Variants in GNA14 observed in about 807,000 individuals in gnomAD.
The protein encoded by GNA14 is guanine nucleotide-binding protein subunit alpha-14.
Under a neutral mutation model 42.0 loss-of-function variants are expected in GNA14, and 50 were observed. The ratio of observed to expected loss-of-function variants is 1.19; its 90% CI spans 0.95 to 1.51. The LOEUF (loss-of-function observed/expected upper bound fraction) is 1.51, where lower values mean the gene tolerates loss of function less well. GNA14 is among the 40% of genes most tolerant of loss of function. The pLI, the probability that GNA14 is intolerant of heterozygous loss-of-function variation, is 0.00. For synonymous variants in GNA14, 173 were observed against 163.1 expected (o/e 1.06, Z -0.46); for missense variants, 473 against 446.2 (o/e 1.06, Z -0.54).
At position 77,428,071 on chromosome 9, in the gene GNA14, C is replaced by CTTTT. The variant is rs1182913068; in HGVS notation, c.723+832_723+835dup. ...TTCAGTCCAAGAGATGGCATTTTTT[C>CTTTT]TTTTTTTTTTTCTTTTTTTTTTTTT... On this transcript the variant is annotated intron_variant, in intron 5 of 6. Coordinates refer to ENST00000341700, the MANE Select transcript of GNA14 (RefSeq NM_004297.4). Among the ~76,000 whole-genome samples, 61 of 130,662 alleles carry CTTTT rather than the reference C, an allele frequency of 4.7e-4. 3 individuals are homozygous for CTTTT. In the East Asian group the frequency reaches 6.3e-3, roughly 14 times the overall value. 85.7% of individuals were successfully genotyped at this position (130,662 alleles called of 152,430 possible). A position where few individuals can be genotyped will look rare whatever the true frequency, so the allele number is the denominator to read the frequency against.
intron 2 of GNA14, among the ~76,000 whole-genome samples, chr9:77,490,394 C>A (rs1836747967): frequency 6.6e-6 from 1 of 152,270 alleles, no homozygotes; most frequent in Admixed American, 6.5e-5. Flanking sequence ...CACTCCTCAG[C>A]CCTTGGGCGG....
chr9:77,587,455 A>G (rs2117877227), intron 1 of GNA14, among the ~76,000 whole-genome samples: 1 of 152,356 alleles, frequency 6.6e-6, no homozygotes, highest in South Asian at 2.1e-4. Flanking sequence ...TATACAATGG[A>G]ATATTATTCA....
intron 2 of GNA14, among the ~76,000 whole-genome samples, chr9:77,522,998 G>A (rs77936552): frequency 6.6e-6 from 1 of 152,290 alleles, no homozygotes; most frequent in East Asian, 1.9e-4. Flanking sequence ...GACAGCTCAA[G>A]TGCATAGACT....
At chr9:77,527,407 C>T (rs970867207) in intron 2 of GNA14, among the ~76,000 whole-genome samples, 4 of 152,216 alleles carry the variant, frequency 2.6e-5, no homozygotes, top group Non-Finnish European at 5.9e-5. Flanking sequence ...ACCCATGGCC[C>T]GTGGGCCACA....
chr9:77,473,247 A>G (rs1279906845), intron 2 of GNA14, among the ~76,000 whole-genome samples: 1 of 152,202 alleles, frequency 6.6e-6, no homozygotes, highest in African/African-American at 2.4e-5. Context: ...GCTTGAGCTC[A>G]GAACTTCAAG....
At position 77,525,257 on chromosome 9, in the gene GNA14, G is replaced by A. The variant is rs185879881; in HGVS notation, c.309+3812C>T. 6.4e-4 allele frequency among the ~76,000 whole-genome samples: 97 copies of A among 152,274 alleles called. 1 individual carries two copies. Among genetic ancestry groups the A allele is most frequent in the Admixed American group, 1.4e-3 (22 of 15,300 alleles). ...AATATTGACTCCCTGGCCCTTTACA[G>A]AAAAGTTTGCAGACTCCAGCCCTAG... On this transcript the variant is annotated intron_variant, in intron 2 of 6. Transcript: ENST00000341700.
At chr9:77,565,431 T>C (rs1401384142) in intron 1 of GNA14, among the ~76,000 whole-genome samples, 1 of 151,900 alleles carries the variant, frequency 6.6e-6, no homozygotes, top group Non-Finnish European at 1.5e-5. Context: ...TATATTTAAA[T>C]CAATTTCACC....
intron 2 of GNA14, among the ~76,000 whole-genome samples, chr9:77,460,058 C>T (rs1587774282): frequency 6.6e-6 from 1 of 152,196 alleles, no homozygotes; most frequent in Non-Finnish European, 1.5e-5. Context: ...CCAAACCTCC[C>T]ATCAGAAAAA....
intron 1 of GNA14, among the ~76,000 whole-genome samples, chr9:77,570,257 T>G (rs1216372806): frequency 6.6e-6 from 1 of 152,220 alleles, no homozygotes; most frequent in South Asian, 2.1e-4. Flanking sequence ...AGTTTACCCA[T>G]TTAATGTGTA....
intron 2 of GNA14, among the ~76,000 whole-genome samples, chr9:77,520,584 G>A (rs942222475): frequency 1.3e-5 from 2 of 149,508 alleles, no homozygotes; most frequent in African/African-American, 5.1e-5. Context: ...TTATTTATTT[G>A]AGATGGAGTC....
At chr9:77,584,635 C>T (rs1823273958) in intron 1 of GNA14, among the ~76,000 whole-genome samples, 1 of 152,028 alleles carries the variant, frequency 6.6e-6, no homozygotes, top group Non-Finnish European at 1.5e-5. Context: ...GATCCAGACC[C>T]CAGGAAAGGG....
chr9:77,634,161 A>G (rs536747964), intron 1 of GNA14, among the ~76,000 whole-genome samples: 1 of 152,226 alleles, frequency 6.6e-6, no homozygotes, highest in African/African-American at 2.4e-5. Flanking sequence ...GTTCATGCCT[A>G]TAATCTTCTG....
intron 2 of GNA14, among the ~76,000 whole-genome samples, chr9:77,448,568 G>T (rs1213193642): frequency 6.6e-6 from 1 of 152,112 alleles, no homozygotes; most frequent in Non-Finnish European, 1.5e-5. Context: ...AATTTATGAT[G>T]GGTTTATCAG....
At chr9:77,457,283 T>G (rs1410752171) in intron 2 of GNA14, among the ~76,000 whole-genome samples, 1 of 152,252 alleles carries the variant, frequency 6.6e-6, no homozygotes, top group Non-Finnish European at 1.5e-5. Context: ...GCATCTTTGC[T>G]GCAACTTTTC....
intron 5 of GNA14, among the ~76,000 whole-genome samples, chr9:77,427,255 C>T (rs1444155167): frequency 1.5e-4 from 22 of 151,308 alleles, no homozygotes; most frequent in Admixed American, 3.3e-4. Flanking sequence ...TCCTGAGGAA[C>T]GTCACAAATA....
At chr9:77,484,449 C>T (rs1836620535) in intron 2 of GNA14, among the ~76,000 whole-genome samples, 1 of 140,460 alleles carries the variant, frequency 7.1e-6, no homozygotes, top group Non-Finnish European at 1.5e-5. Context: ...TAAACGATTT[C>T]ATCACAAATT....
At chr9:77,574,232 G>C (rs72732708) in intron 1 of GNA14, among the ~76,000 whole-genome samples, 18,380 of 152,196 alleles carry the variant, frequency 0.12, 2,341 homozygotes, top group African/African-American at 0.32. Flanking sequence ...GACACTGAAA[G>C]CAGTCTCAGC....
At chr9:77,427,856 C>A (rs1835476764) in intron 5 of GNA14, among the ~76,000 whole-genome samples, 1 of 152,176 alleles carries the variant, frequency 6.6e-6, no homozygotes, top group Non-Finnish European at 1.5e-5. Context: ...AAGCATCTAG[C>A]ACCACTGCCC....
chr9:77,457,992 G>T (rs1248527551), intron 2 of GNA14, among the ~76,000 whole-genome samples: 2 of 151,872 alleles, frequency 1.3e-5, no homozygotes, highest in Admixed American at 6.6e-5. Context: ...TTGCTTTAAT[G>T]ATGTGCTTTT....
Sources: gnomAD v4.1 joint callset for allele counts (sites outside exome capture counted in the v4.1 genomes callset) on GRCh38, gnomAD v4.1.1 for gene constraint, MANE v1.5 for transcripts, NCBI Gene and HGNC (gene_info 2026-07-23, HGNC 2026-07-21) for gene names.